The following NLGN1 variants were observed in gnomAD, a reference collection of about 807,000 sequenced individuals.
The protein encoded by NLGN1 is neuroligin 1.
Under a neutral mutation model 65.5 loss-of-function variants are expected in NLGN1, and 12 were observed. The ratio of observed to expected loss-of-function variants is 0.18; its 90% CI spans 0.12 to 0.30. NLGN1 has a LOEUF of 0.30. Ranked by LOEUF, NLGN1 falls within the 10% of genes least tolerant of loss-of-function variation. The probability of loss-of-function intolerance (pLI) is 1.00; values close to 1 mark genes in which losing one functional copy is unlikely to be tolerated. For missense variants in NLGN1, 750 were observed against 1,007.1 expected, an observed-to-expected ratio of 0.74 and a Z score of 3.46; for synonymous variants, 350 against 359.5, an observed-to-expected ratio of 0.97 and a Z score of 0.30.
At chr3:173,408,634 C>A (rs974745006) in intron 1 of NLGN1, among the ~76,000 whole-genome samples, 2 of 152,172 alleles carry the variant, frequency 1.3e-5, no homozygotes, top group Non-Finnish European at 2.9e-5. Flanking sequence ...GCGCATTGGC[C>A]GGGCGCAGTG....
chr3:173,824,780 T>G (rs748534492), intron 4 of NLGN1, among the ~76,000 whole-genome samples: 8 of 152,110 alleles, frequency 5.3e-5, no homozygotes, highest in Non-Finnish European at 1.0e-4. Flanking sequence ...TAATCTAAGT[T>G]AAAATGCTCC....
rs369959799 is a variant in NLGN1, at chr3:173,474,432, A to G, written c.-321+39354A>G. Among the ~76,000 whole-genome samples, 12 of 152,326 alleles carry G rather than the reference A, an allele frequency of 7.9e-5. 1 individual carries two copies. The highest frequency in any genetic ancestry group is 2.6e-4 in the African/African-American group (11 of 41,576). On this transcript the variant is annotated intron_variant, in intron 2 of 6. Transcript: ENST00000457714. Reference sequence around the variant, plus strand: ...ACCCTTCAATTTCTTAAGAATATCTATATCTATATGTGTGTGTGTGTATAC... The same window carrying G: ...ACCCTTCAATTTCTTAAGAATATCTGTATCTATATGTGTGTGTGTGTATAC...
chr3:173,656,522 G>GT (rs1444857879), intron 3 of NLGN1, among the ~76,000 whole-genome samples: 1 of 149,774 alleles, frequency 6.7e-6, no homozygotes, highest in Non-Finnish European at 1.5e-5. Context: ...TTGGTGTTTG[G>GT]TTTTGGATTA....
intron 2 of NLGN1, among the ~76,000 whole-genome samples, chr3:173,476,772 TTAGATAA>T (rs1184868604): frequency 2.0e-5 from 3 of 152,072 alleles, no homozygotes; most frequent in Admixed American, 6.6e-5. Context: ...GAGAGAACAT[TTAGATAA>T]TAGATAATAG....
intron 4 of NLGN1, among the ~76,000 whole-genome samples, chr3:174,069,877 C>T (rs892725684): frequency 6.6e-6 from 1 of 152,198 alleles, no homozygotes; most frequent in African/African-American, 2.4e-5. Flanking sequence ...GTAAACCTGA[C>T]TACTTGTGTG....
At chr3:173,483,386 T>A (rs1727625015) in intron 2 of NLGN1, among the ~76,000 whole-genome samples, 1 of 152,010 alleles carries the variant, frequency 6.6e-6, no homozygotes, top group Non-Finnish European at 1.5e-5. Flanking sequence ...CAAAGCAGTA[T>A]GATGTTATTG....
chr3:173,977,439 T>C (rs1321646801), intron 4 of NLGN1, among the ~76,000 whole-genome samples: 1 of 152,016 alleles, frequency 6.6e-6, no homozygotes, highest in Non-Finnish European at 1.5e-5. Flanking sequence ...AGGGCAACTT[T>C]ATCTGAGTTG....
chr3:174,234,985 CTTTT>C (rs748911027), intron 4 of NLGN1, among the ~76,000 whole-genome samples: 34 of 65,724 alleles, frequency 5.2e-4, no homozygotes, highest in African/African-American at 2.4e-3. Flanking sequence ...AAGGAATCAC[CTTTT>C]TTTTTTTTTT....
chr3:174,087,812 GA>G (rs1208784509), intron 4 of NLGN1, among the ~76,000 whole-genome samples: 1 of 152,184 alleles, frequency 6.6e-6, no homozygotes, highest in Non-Finnish European at 1.5e-5. Context: ...TTATGAATAA[GA>G]AATGCAGTCA....
chr3:173,781,154 A>AAAAAAAAAAAAAAAAAAG (rs1175719248), intron 3 of NLGN1, among the ~76,000 whole-genome samples: 18 of 150,770 alleles, frequency 1.2e-4, no homozygotes, highest in African/African-American at 4.1e-4. Context: ...CAAAAAAAAA[A>AAAAAAAAAAAAAAAAAAG]AAGTAAATAT....
At chr3:173,719,219 C>G (rs1431367846) in intron 3 of NLGN1, among the ~76,000 whole-genome samples, 3 of 152,170 alleles carry the variant, frequency 2.0e-5, no homozygotes, top group African/African-American at 7.2e-5. Flanking sequence ...CTCTAGGTAA[C>G]TGAAAAATGG....
chr3:173,549,712 C>A (rs966259581), intron 2 of NLGN1, among the ~76,000 whole-genome samples: 2 of 151,926 alleles, frequency 1.3e-5, no homozygotes, highest in Admixed American at 1.3e-4. Flanking sequence ...ATATTACTGG[C>A]GGAAGATGAC....
intron 3 of NLGN1, among the ~76,000 whole-genome samples, chr3:173,749,487 T>C (rs746115977): frequency 1.1e-4 from 16 of 152,060 alleles, no homozygotes; most frequent in Non-Finnish European, 2.2e-4. Context: ...TTTGGCACTT[T>C]GCTGACAAAT....
chr3:174,092,751 A>G (rs189404704), intron 4 of NLGN1, among the ~76,000 whole-genome samples: 82 of 152,290 alleles, frequency 5.4e-4, no homozygotes, highest in African/African-American at 1.9e-3. Flanking sequence ...ATGAAGATAT[A>G]TAGTTAGTCC....
chr3:173,492,434 A>G (rs1729334865), intron 2 of NLGN1, among the ~76,000 whole-genome samples: 2 of 151,816 alleles, frequency 1.3e-5, no homozygotes, highest in Non-Finnish European at 2.9e-5. Flanking sequence ...AATACTGCAG[A>G]TATATATTTC....
intron 3 of NLGN1, among the ~76,000 whole-genome samples, chr3:173,682,186 T>A (rs999699491): frequency 6.6e-6 from 1 of 152,198 alleles, no homozygotes; most frequent in African/African-American, 2.4e-5. Flanking sequence ...AAAGAGTTTA[T>A]GTACAACACT....
chr3:173,523,594 A>G (rs919045170), intron 2 of NLGN1, among the ~76,000 whole-genome samples: 5 of 151,538 alleles, frequency 3.3e-5, no homozygotes, highest in East Asian at 1.9e-4. Context: ...TGGGTTCTCT[A>G]TTCTGTTCCG....
At chr3:173,968,430 A>G (rs966109783) in intron 4 of NLGN1, among the ~76,000 whole-genome samples, 1 of 152,116 alleles carries the variant, frequency 6.6e-6, no homozygotes, top group Non-Finnish European at 1.5e-5. Flanking sequence ...TTCTATATCT[A>G]TATCTATCCC....
intron 3 of NLGN1, among the ~76,000 whole-genome samples, chr3:173,687,875 C>T (rs1338930343): frequency 6.6e-6 from 1 of 152,128 alleles, no homozygotes; most frequent in Admixed American, 6.5e-5. Context: ...AGGAACACAG[C>T]CACTGTAGGC....
Sources: allele counts gnomAD v4.1 joint callset (sites outside exome capture counted in the v4.1 genomes callset), GRCh38; gene constraint gnomAD v4.1.1; transcripts MANE v1.5; gene names NCBI Gene and HGNC (gene_info 2026-07-23, HGNC 2026-07-21).